MRC1: variants seen among roughly 807,000 people sequenced by gnomAD.
MRC1 encodes macrophage mannose receptor 1.
A neutral mutation model predicts 102.9 loss-of-function variants in MRC1; 62 were observed. The observed-to-expected ratio is 0.60, with a 90% CI of 0.49 to 0.74. The LOEUF (loss-of-function observed/expected upper bound fraction) is 0.74. MRC1 is among the 30% of genes least tolerant of loss of function. The pLI is 0.00. For synonymous variants in MRC1, 457 were observed against 298.4 expected (o/e 1.53, Z -5.48); for missense variants, 1,237 against 862.8 (o/e 1.43, Z -5.43).
intron 6 of MRC1, among the ~76,000 whole-genome samples, chr10:17,847,040 A>C (rs1288845604): frequency 1.3e-5 from 2 of 152,194 alleles, no homozygotes; most frequent in Admixed American, 1.3e-4. Context: ...CGGGACCTGG[A>C]TGTTGGGTTT....
chr10:17,898,339 G>C, intron 24 of MRC1, 73 bp downstream of exon 24: 1 of 780,188 alleles, frequency 1.3e-6, no homozygotes, highest in Admixed American at 1.7e-5. Context: ...CTTTCTGTTT[G>C]TTCTGTTGAA....
chr10:17,810,282 T>C (rs1198085383), intron 1 of MRC1, among the ~76,000 whole-genome samples: 2 of 152,294 alleles, frequency 1.3e-5, no homozygotes, highest in Admixed American at 6.5e-5. Context: ...GGATTTTCAT[T>C]CCTGGTTCTA....
intron 26 of MRC1, among the ~76,000 whole-genome samples, chr10:17,903,596 T>C (rs1833858927): frequency 6.6e-6 from 1 of 151,768 alleles, no homozygotes. Context: ...GAGTTTCACA[T>C]TATTGGTCAG....
At chr10:17,852,647 T>C (rs1228563029) in intron 7 of MRC1, among the ~76,000 whole-genome samples, 1 of 152,214 alleles carries the variant, frequency 6.6e-6, no homozygotes, top group Non-Finnish European at 1.5e-5. Flanking sequence ...AGATAGAGCA[T>C]AGTAATAGAC....
At chr10:17,867,310 T>C (rs1486381434) in intron 12 of MRC1, among the ~76,000 whole-genome samples, 1 of 137,768 alleles carries the variant, frequency 7.3e-6, no homozygotes, top group African/African-American at 2.5e-5. Context: ...TTCTTCCTTC[T>C]TCCTCCTTCC....
At chr10:17,884,464 C>T (rs927976984) in intron 21 of MRC1, among the ~76,000 whole-genome samples, 7 of 152,146 alleles carry the variant, frequency 4.6e-5, no homozygotes, top group Non-Finnish European at 5.9e-5. Flanking sequence ...TAAGAGCTGC[C>T]GGAGACTGGG....
At chr10:17,835,625 C>G (rs2130616439) in intron 4 of MRC1, among the ~76,000 whole-genome samples, 1 of 152,274 alleles carries the variant, frequency 6.6e-6, no homozygotes. Flanking sequence ...TCACACAGAG[C>G]CTTCCAAGGA....
chr10:17,827,447 C>CTAAG, intron 2 of MRC1, 95 bp from the exon 3 acceptor site: 1 of 516,802 alleles, frequency 1.9e-6, no homozygotes, highest in South Asian at 1.8e-5. Context: ...GTAATCAGAA[C>CTAAG]AGTAAGACCA....
chr10:17,883,941 C>T (rs1668463273), intron 21 of MRC1, among the ~76,000 whole-genome samples: 3 of 152,152 alleles, frequency 2.0e-5, no homozygotes, highest in African/African-American at 4.8e-5. Context: ...ATTCTATAGT[C>T]TCATCCAGTG....
At chr10:17,833,924 A>G (rs899730272) in intron 4 of MRC1, 85 bp downstream of exon 4, 92 of 738,546 alleles carry the variant, frequency 1.2e-4, no homozygotes, top group Non-Finnish European at 1.7e-4. Context: ...ACAAGTGTTT[A>G]TAGATGTTAT....
chr10:17,814,347 A>G (rs1469477979), intron 1 of MRC1, among the ~76,000 whole-genome samples: 1 of 152,180 alleles, frequency 6.6e-6, no homozygotes, highest in Non-Finnish European at 1.5e-5. Flanking sequence ...ATCTGTATCA[A>G]TTTTTTTAGA....
intron 5 of MRC1, 55 bp downstream of exon 5, chr10:17,840,861 C>A: frequency 1.3e-6 from 1 of 780,504 alleles, no homozygotes; most frequent in Non-Finnish European, 2.4e-6. Context: ...ATCTAGACGC[C>A]CCGAAGACGT....
intron 22 of MRC1, among the ~76,000 whole-genome samples, chr10:17,889,835 T>A (rs898227581): frequency 1.4e-4 from 22 of 152,242 alleles, no homozygotes; most frequent in African/African-American, 5.3e-4. Flanking sequence ...CTATAGTTGT[T>A]TGAAGAGACC....
intron 6 of MRC1, 59 bp downstream of exon 6, chr10:17,845,494 T>A: frequency 1.3e-6 from 1 of 779,036 alleles, no homozygotes; most frequent in South Asian, 1.3e-5. Context: ...ATAAGTAACA[T>A]TACAGCTTAG....
At chr10:17,870,980 A>G in intron 14 of MRC1, 45 bp downstream of exon 14, 2 of 852,442 alleles carry the variant, frequency 2.3e-6, no homozygotes, top group East Asian at 2.4e-5. Context: ...TTTATCGTGT[A>G]TTTATTTTGA....
At chr10:17,828,277 T>C (rs1392878194) in intron 3 of MRC1, among the ~76,000 whole-genome samples, 5 of 151,340 alleles carry the variant, frequency 3.3e-5, no homozygotes, top group South Asian at 2.1e-4. Flanking sequence ...GGGGTTTCAC[T>C]GTGTTAGCCA....
chr10:17,833,914 AC>A, intron 4 of MRC1, 75 bp downstream of exon 4: 1 of 758,146 alleles, frequency 1.3e-6, no homozygotes. Flanking sequence ...AGTCAACAGC[AC>A]AAGTGTTTAT....
At chr10:17,904,691 G>C (rs1833873116) in intron 26 of MRC1, among the ~76,000 whole-genome samples, 1 of 152,174 alleles carries the variant, frequency 6.6e-6, no homozygotes, top group Admixed American at 6.5e-5. Flanking sequence ...TGTCCAAGCA[G>C]TTACAAACTG....
rs140229524 is a variant in MRC1 at position 17,849,680 on chromosome 10, A to G, written c.1165A>G (p.Thr389Ala). The change falls in exon 7 of 30, where the codon ACC becomes GCC. Residue 389 changes from threonine (T) to alanine (A), a missense_variant. Physicochemically the swap from Thr to Ala is moderately conservative, Grantham distance 58. Coordinates refer to ENST00000569591, the MANE Select transcript of MRC1 (RefSeq NM_002438.4). Reference protein sequence around the residue: ...DEKKIQRDALTTCRKEGGDLT... With the variant: ...DEKKIQRDALATCRKEGGDLT... ...GAAAAAAATCCAGAGGGATGCTCTG[A>G]CCACCTGCAGGAAGGAAGGCGGTGA... is the stretch of plus-strand genomic sequence containing the variant. 110 of 780,922 alleles carry G rather than the reference A, an allele frequency of 1.4e-4. No homozygotes were observed. The highest frequency in any genetic ancestry group is 4.5e-4 in the Middle Eastern group (2 of 4,464). The allele number at this position is 780,922 out of a possible 1,614,324, so 48.4% of individuals were successfully genotyped here.
Sources: allele counts gnomAD v4.1 joint callset (sites outside exome capture counted in the v4.1 genomes callset), GRCh38; gene constraint gnomAD v4.1.1; transcripts MANE v1.5; gene names NCBI Gene and HGNC (gene_info 2026-07-23, HGNC 2026-07-21).